CACNA2D1: variants seen among roughly 807,000 people sequenced by gnomAD.
The protein encoded by CACNA2D1 is voltage-dependent calcium channel subunit alpha-2/delta-1.
A neutral mutation model predicts 171.5 loss-of-function variants in CACNA2D1; 53 were observed. The observed-to-expected ratio is 0.31, with a 90% CI of 0.25 to 0.39. CACNA2D1 has a LOEUF of 0.39. Ranked by LOEUF, CACNA2D1 falls within the 10% of genes least tolerant of loss-of-function variation. The pLI, the probability that CACNA2D1 is intolerant of heterozygous loss-of-function variation, is 1.00. For missense variants in CACNA2D1, 903 were observed against 1,299.8 expected (o/e 0.69, Z 4.69); for synonymous variants, 442 against 443.1 (o/e 1.00, Z 0.03).
At chr7:82,133,723 A>G (rs1387027803) in intron 5 of CACNA2D1, among the ~76,000 whole-genome samples, 2 of 152,204 alleles carry the variant, frequency 1.3e-5, no homozygotes, top group Non-Finnish European at 2.9e-5. Flanking sequence ...GAATGATCCA[A>G]CAACTATTTC....
In CACNA2D1 at chr7:82,363,254, C is replaced by CTTTTT. The variant is rs35419275; in HGVS notation, c.96-13610_96-13606dup. ...CTACCATAGTTTTATTTATTTGTCT[C>CTTTTT]TTTTTTTTTTTTTTTTTTTTTTTTT... is the stretch of plus-strand genomic sequence containing the variant. On this transcript the variant is annotated intron_variant, in intron 1 of 38. Transcript: ENST00000356860. Among the ~76,000 whole-genome samples, 71 of 63,430 alleles carry CTTTTT rather than the reference C, an allele frequency of 1.1e-3. 9 individuals are homozygous for CTTTTT. Among genetic ancestry groups the CTTTTT allele is most frequent in the African/African-American group, 4.5e-3 (54 of 11,944 alleles). 41.6% of individuals were successfully genotyped at this position (63,430 alleles called of 152,430 possible). A position where few individuals can be genotyped will look rare whatever the true frequency, so the allele number is the denominator to read the frequency against.
chr7:82,047,307 C>G (rs1804667016), intron 10 of CACNA2D1, among the ~76,000 whole-genome samples: 1 of 152,148 alleles, frequency 6.6e-6, no homozygotes, highest in African/African-American at 2.4e-5. Flanking sequence ...CAATCACATA[C>G]TGTCTGATCT....
chr7:82,244,012 T>C (rs1190023606), intron 3 of CACNA2D1, among the ~76,000 whole-genome samples: 3 of 152,152 alleles, frequency 2.0e-5, no homozygotes. Context: ...TTAATTTAGA[T>C]GTAGAAACTC....
chr7:82,318,881 A>C (rs1585470592), intron 3 of CACNA2D1, among the ~76,000 whole-genome samples: 1 of 85,198 alleles, frequency 1.2e-5, no homozygotes, highest in South Asian at 3.7e-4. Context: ...GAAGAGGGAG[A>C]AGAAGAAGAG....
At chr7:82,201,620 T>C (rs1261024327) in intron 3 of CACNA2D1, among the ~76,000 whole-genome samples, 1 of 152,212 alleles carries the variant, frequency 6.6e-6, no homozygotes, top group African/African-American at 2.4e-5. Context: ...AGTTTACAGC[T>C]GCCCCTTCTC....
At chr7:82,340,463 A>C in intron 2 of CACNA2D1, among the ~76,000 whole-genome samples, 1 of 148,756 alleles carries the variant, frequency 6.7e-6, no homozygotes. Context: ...GAGCCACAGC[A>C]CCCAGTCTAT....
chr7:82,023,877 T>G (rs971642645), intron 12 of CACNA2D1: 2 of 151,838 alleles, frequency 1.3e-5, no homozygotes, highest in Non-Finnish European at 2.9e-5. Context: ...TCTATGAAAT[T>G]GACCATTTTT....
intron 3 of CACNA2D1, among the ~76,000 whole-genome samples, chr7:82,254,770 C>T (rs532790609): frequency 6.6e-6 from 1 of 152,258 alleles, no homozygotes; most frequent in African/African-American, 2.4e-5. Flanking sequence ...ATATAATCTT[C>T]TGCTATCATT....
At chr7:82,266,962 T>A (rs1206125371) in intron 3 of CACNA2D1, among the ~76,000 whole-genome samples, 1 of 152,222 alleles carries the variant, frequency 6.6e-6, no homozygotes, top group Admixed American at 6.5e-5. Flanking sequence ...ACAAACTACT[T>A]CTGAAAAATT....
chr7:81,963,120 T>C (rs746890137), intron 34 of CACNA2D1, among the ~76,000 whole-genome samples: 17 of 152,034 alleles, frequency 1.1e-4, no homozygotes, highest in Non-Finnish European at 2.1e-4. Flanking sequence ...TATTTCAGGG[T>C]CATGATGAAA....
At chr7:82,254,737 AT>A (rs761240727) in intron 3 of CACNA2D1, among the ~76,000 whole-genome samples, 1 of 152,182 alleles carries the variant, frequency 6.6e-6, no homozygotes, top group Non-Finnish European at 1.5e-5. Context: ...AAAGTATGAC[AT>A]TTTATGCAAC....
At chr7:82,249,043 A>C (rs111799686) in intron 3 of CACNA2D1, among the ~76,000 whole-genome samples, 85 of 151,940 alleles carry the variant, frequency 5.6e-4, no homozygotes, top group Admixed American at 7.9e-4. Context: ...CGTAACCTGG[A>C]AAGCGGAGTT....
chr7:82,257,610 A>G (rs1259449296), intron 3 of CACNA2D1, among the ~76,000 whole-genome samples: 2 of 152,232 alleles, frequency 1.3e-5, no homozygotes, highest in Admixed American at 1.3e-4. Context: ...CACTATGTAA[A>G]CCATAAAACA....
chr7:82,179,984 C>T (rs982859490), intron 3 of CACNA2D1, among the ~76,000 whole-genome samples: 1 of 151,998 alleles, frequency 6.6e-6, no homozygotes, highest in Non-Finnish European at 1.5e-5. Flanking sequence ...GGCATACCTT[C>T]GCTGAGACTA....
chr7:82,149,982 G>A (rs1304415758), intron 4 of CACNA2D1, among the ~76,000 whole-genome samples: 1 of 151,538 alleles, frequency 6.6e-6, no homozygotes, highest in African/African-American at 2.4e-5. Flanking sequence ...ACATGTGCGT[G>A]TGTGTGTGTG....
chr7:82,167,871 T>A (rs1301656473), intron 4 of CACNA2D1, among the ~76,000 whole-genome samples: 8 of 152,114 alleles, frequency 5.3e-5, no homozygotes, highest in Non-Finnish European at 1.0e-4. Context: ...TTCTCCCACA[T>A]GGTGACCACC....
chr7:81,967,794 G>A (rs1467857118), intron 29 of CACNA2D1, 131 bp from the exon 30 acceptor site: 3 of 592,142 alleles, frequency 5.1e-6, no homozygotes, highest in Admixed American at 2.9e-5. Flanking sequence ...TGTTCATTAA[G>A]AAATAATGCT....
At chr7:82,403,279 G>A (rs1364695528) in intron 1 of CACNA2D1, among the ~76,000 whole-genome samples, 1 of 152,086 alleles carries the variant, frequency 6.6e-6, no homozygotes, top group Non-Finnish European at 1.5e-5. Context: ...AGATTTTGGA[G>A]GTAATACATT....
intron 3 of CACNA2D1, among the ~76,000 whole-genome samples, chr7:82,324,743 T>C (rs1236634390): frequency 2.0e-5 from 3 of 152,142 alleles, no homozygotes; most frequent in Non-Finnish European, 4.4e-5. Flanking sequence ...TAAGCAGTAA[T>C]CTGCTTCAGA....
Sources: allele counts gnomAD v4.1 joint callset (sites outside exome capture counted in the v4.1 genomes callset), GRCh38; gene constraint gnomAD v4.1.1; transcripts MANE v1.5; gene names NCBI Gene and HGNC (gene_info 2026-07-23, HGNC 2026-07-21).